Variants in OXSR1 observed in about 807,000 individuals in gnomAD.
The protein encoded by OXSR1 is oxidative stress responsive kinase 1.
OXSR1 carries 24 observed loss-of-function variants against 79.8 expected under a neutral mutation model. The ratio of observed to expected loss-of-function variants is 0.30; its 90% confidence interval spans 0.22 to 0.42. OXSR1 has a LOEUF of 0.42. OXSR1 is among the 10% of genes least tolerant of loss of function. The pLI, the probability that OXSR1 is intolerant of heterozygous loss-of-function variation, is 1.00. For missense variants in OXSR1, 430 were observed against 618.4 expected, an observed-to-expected ratio of 0.70 and a Z score of 3.23; for synonymous variants, 226 against 209.2, an observed-to-expected ratio of 1.08 and a Z score of -0.69.
intron 8 of OXSR1, among the ~76,000 whole-genome samples, chr3:38,228,101 A>G (rs984935990): frequency 1.3e-5 from 2 of 152,182 alleles, no homozygotes; most frequent in Non-Finnish European, 2.9e-5. Flanking sequence ...TACACAGTAT[A>G]TTGTTGGCCA....
intron 4 of OXSR1, among the ~76,000 whole-genome samples, chr3:38,206,199 G>T (rs950347046): frequency 5.3e-5 from 8 of 152,070 alleles, no homozygotes; most frequent in African/African-American, 1.7e-4. Context: ...AAAAAAAGAG[G>T]CTTTATTAGG....
chr3:38,177,143 C>T lies in OXSR1; in HGVS notation c.71-5860C>T, dbSNP rs539603121. On this transcript the variant is annotated intron_variant, in intron 1 of 17. Coordinates refer to ENST00000311806, the MANE Select transcript of OXSR1 (RefSeq NM_005109.3). ...GGGACCAAAGGTACCTTGCAGAGGC[C>T]ATGTTATGTCTCCTGTGACTTGAGA... is the stretch of plus-strand genomic sequence containing the variant. Among the ~76,000 whole-genome samples, 10 of 152,316 alleles carry T rather than the reference C, an allele frequency of 6.6e-5. No individual in the cohort carries two copies. The East Asian group carries it at 1.5e-3, about 23-fold the overall frequency.
chr3:38,230,321 C>T, intron 9 of OXSR1, 44 bp from the exon 10 acceptor site: 4 of 1,258,520 alleles, frequency 3.2e-6, no homozygotes, highest in Non-Finnish European at 2.3e-6. Flanking sequence ...TTTTTTGGTA[C>T]CTTAAAAACT....
At chr3:38,211,594 A>G (rs1364490896) in intron 4 of OXSR1, among the ~76,000 whole-genome samples, 2 of 152,102 alleles carry the variant, frequency 1.3e-5, no homozygotes, top group African/African-American at 2.4e-5. Context: ...CATATCTTTC[A>G]TTGTGGCCTA....
At chr3:38,246,279 A>G in intron 13 of OXSR1, 58 bp downstream of exon 13, 2 of 1,534,072 alleles carry the variant, frequency 1.3e-6, no homozygotes, top group Non-Finnish European at 1.8e-6. Flanking sequence ...AAGAGCAGAT[A>G]TTAACGTGGA....
intron 2 of OXSR1, among the ~76,000 whole-genome samples, chr3:38,184,954 G>GTTTTTTTTTT (rs1559503629): frequency 1.0e-5 from 1 of 96,224 alleles, no homozygotes; most frequent in Non-Finnish European, 2.0e-5. Context: ...TTTTTTTTGG[G>GTTTTTTTTTT]TTTCTTTGAG....
At chr3:38,227,508 G>A (rs1190202728) in intron 8 of OXSR1, among the ~76,000 whole-genome samples, 3 of 151,036 alleles carry the variant, frequency 2.0e-5, no homozygotes, top group Non-Finnish European at 4.4e-5. Flanking sequence ...TTGGAGGGTA[G>A]ACTGAGAAGG....
intron 4 of OXSR1, among the ~76,000 whole-genome samples, chr3:38,200,879 A>G (rs916913691): frequency 5.3e-5 from 8 of 152,242 alleles, no homozygotes; most frequent in South Asian, 2.1e-4. Context: ...TTATGCGTCT[A>G]TTAGCAGTAC....
intron 7 of OXSR1, 36 bp from the exon 8 acceptor site, chr3:38,224,535 C>A: frequency 6.5e-7 from 1 of 1,528,034 alleles, no homozygotes; most frequent in South Asian, 1.3e-5. Flanking sequence ...TTTACTGAGT[C>A]ATCACAAGTT....
chr3:38,199,411 A>T (rs2125820276), intron 4 of OXSR1, among the ~76,000 whole-genome samples: 1 of 152,058 alleles, frequency 6.6e-6, no homozygotes, highest in Non-Finnish European at 1.5e-5. Flanking sequence ...TAATTTTCAT[A>T]AAGATGGGGT....
At chr3:38,215,465 G>A (rs915927588) in intron 4 of OXSR1, among the ~76,000 whole-genome samples, 1 of 152,098 alleles carries the variant, frequency 6.6e-6, no homozygotes, top group African/African-American at 2.4e-5. Context: ...TTGTAGATTT[G>A]AATGGATAGT....
At chr3:38,219,029 T>C (rs1702538392) in intron 5 of OXSR1, among the ~76,000 whole-genome samples, 1 of 152,204 alleles carries the variant, frequency 6.6e-6, no homozygotes, top group Non-Finnish European at 1.5e-5. Flanking sequence ...TCTTTCTCTT[T>C]AGTTGGCAAT....
intron 10 of OXSR1, among the ~76,000 whole-genome samples, chr3:38,231,204 A>G (rs1039442696): frequency 3.3e-5 from 5 of 152,236 alleles, no homozygotes; most frequent in Non-Finnish European, 1.5e-5. Flanking sequence ...AGAACCAGAA[A>G]TGTATATTAA....
chr3:38,202,798 C>T (rs1702187644), intron 4 of OXSR1, among the ~76,000 whole-genome samples: 2 of 152,154 alleles, frequency 1.3e-5, no homozygotes, highest in Admixed American at 1.3e-4. Context: ...TGAGAAGTGA[C>T]CTAGAAGGCA....
chr3:38,173,053 C>T (rs1289172624), intron 1 of OXSR1, among the ~76,000 whole-genome samples: 4 of 152,202 alleles, frequency 2.6e-5, no homozygotes, highest in Non-Finnish European at 4.4e-5. Flanking sequence ...TGAGTTGGTT[C>T]TCTTTTAAAA....
chr3:38,206,579 A>C (rs1418388379), intron 4 of OXSR1, among the ~76,000 whole-genome samples: 1 of 152,136 alleles, frequency 6.6e-6, no homozygotes. Context: ...TTCGCTATAG[A>C]AACTCTAGAT....
chr3:38,239,133 G>A (rs1192695918), intron 11 of OXSR1, among the ~76,000 whole-genome samples: 1 of 151,912 alleles, frequency 6.6e-6, no homozygotes, highest in African/African-American at 2.4e-5. Flanking sequence ...CATCTTCTAT[G>A]TCTCTACTTA....
At chr3:38,242,676 A>G (rs1269631987) in intron 11 of OXSR1, 67 bp from the exon 12 acceptor site, 15 of 807,396 alleles carry the variant, frequency 1.9e-5, no homozygotes, top group Middle Eastern at 4.7e-4. Context: ...CATCACTTGC[A>G]GTTTGGGACT....
intron 1 of OXSR1, among the ~76,000 whole-genome samples, chr3:38,169,297 T>G (rs1041472507): frequency 1.3e-5 from 2 of 150,512 alleles, no homozygotes; most frequent in African/African-American, 2.4e-5. Flanking sequence ...ATTGGGTTGT[T>G]TTTTTTTTTG....
Sources: allele counts gnomAD v4.1 joint callset (sites outside exome capture counted in the v4.1 genomes callset), GRCh38; gene constraint gnomAD v4.1.1; transcripts MANE v1.5; gene names NCBI Gene and HGNC (gene_info 2026-07-23, HGNC 2026-07-21).